The following ERP27 variants were observed in gnomAD, a reference collection of about 807,000 sequenced individuals.
The protein encoded by ERP27 is endoplasmic reticulum resident protein 27.
A neutral mutation model predicts 27.7 loss-of-function variants in ERP27; 23 were observed. The observed-to-expected ratio is 0.83, with a 90% CI of 0.60 to 1.18. The LOEUF is 1.18. ERP27 is among the 50% of genes most tolerant of loss of function. The probability of loss-of-function intolerance (pLI) is 0.00; values close to 1 mark genes in which losing one functional copy is unlikely to be tolerated. For synonymous variants in ERP27, 159 were observed against 118.3 expected, an observed-to-expected ratio of 1.34 and a Z score of -2.23; for missense variants, 363 against 327.9, an observed-to-expected ratio of 1.11 and a Z score of -0.83.
chr12:14,928,944 C>G (rs890794956), intron 3 of ERP27: 2 of 1,535,050 alleles, frequency 1.3e-6, no homozygotes, highest in Non-Finnish European at 1.7e-6. Context: ...CTGCTACCGA[C>G]CTGTATTTCC....
At chr12:14,922,296 TGC>T (rs1280731210) in intron 3 of ERP27, among the ~76,000 whole-genome samples, 5 of 152,132 alleles carry the variant, frequency 3.3e-5, no homozygotes, top group African/African-American at 7.2e-5. Context: ...TGTCAACACT[TGC>T]TATTGTCAGT....
intron 3 of ERP27, chr12:14,928,987 G>A (rs1468293411): frequency 7.8e-6 from 12 of 1,535,244 alleles, no homozygotes; most frequent in Middle Eastern, 3.3e-4. Context: ...TTAAGGCTTT[G>A]CTATTGCAAC....
chr12:14,914,577 T>TGCGC lies in ERP27; in HGVS notation c.*157_*158insGCGC, dbSNP rs148149515. ...GAAGCTCTGTGTGTGTGTGTGTGTG[T>TGCGC]GCGTGTGTGTGTGCACGCGTGCGTG... On this transcript the variant is annotated 3_prime_UTR_variant, in exon 7 of 7. Coordinates refer to ENST00000266397, the MANE Select transcript of ERP27 (RefSeq NM_152321.4). 0.016 allele frequency: 8,670 copies of TGCGC among 542,128 alleles called. 94 individuals are homozygous for TGCGC. The highest frequency in any genetic ancestry group is 0.031 in the African/African-American group (1,539 of 50,332). The allele number at this position is 542,128 out of a possible 1,614,324, so 33.6% of individuals were successfully genotyped here.
intron 2 of ERP27, among the ~76,000 whole-genome samples, chr12:14,936,172 C>T (rs746460439): frequency 5.9e-5 from 9 of 151,698 alleles, no homozygotes; most frequent in Middle Eastern, 6.8e-3. Flanking sequence ...ATGAAATAGA[C>T]GCCATCAAAA....
chr12:14,929,517 A>G (rs535496433), intron 3 of ERP27, among the ~76,000 whole-genome samples: 7 of 152,228 alleles, frequency 4.6e-5, no homozygotes, highest in Non-Finnish European at 1.0e-4. Flanking sequence ...CAAGAGTTGG[A>G]AAAACCTTTT....
chr12:14,929,066 T>C (rs1376580246), intron 3 of ERP27: 5 of 1,530,916 alleles, frequency 3.3e-6, no homozygotes, highest in Admixed American at 2.0e-5. Flanking sequence ...AAATGCTTCC[T>C]GACTATTTTT....
chr12:14,923,625 G>A (rs1243186914), intron 3 of ERP27, among the ~76,000 whole-genome samples: 4 of 151,756 alleles, frequency 2.6e-5, no homozygotes, highest in Non-Finnish European at 4.4e-5. Flanking sequence ...ATACTGCCAT[G>A]CCATTAGTTT....
rs553137599 is a variant in ERP27 at position 14,930,314 on chromosome 12, T to C, written c.333+4542A>G. Among the ~76,000 whole-genome samples, 62 of 152,360 alleles carry C rather than the reference T, an allele frequency of 4.1e-4. No homozygotes were observed. In the South Asian group the frequency reaches 0.013, roughly 31 times the overall value. On this transcript the variant is annotated intron_variant, in intron 3 of 6. Coordinates refer to ENST00000266397, the MANE Select transcript of ERP27 (RefSeq NM_152321.4). ...GTCTGGTGAGGTAAATTTCTTATAA[T>C]AGTTACCCAATAAATAACTGTAAAA...
chr12:14,917,223 C>G lies in ERP27; in HGVS notation c.531G>C (p.Glu177Asp). 1 of 1,614,106 alleles carries G rather than the reference C, an allele frequency of 6.2e-7. No homozygotes were observed. The highest frequency in any genetic ancestry group is 8.5e-7 in the Non-Finnish European group (1 of 1,179,990). Reference protein sequence around the residue: ...IMNKASPEYEENMHRYQKAAK... With the variant: ...IMNKASPEYEDNMHRYQKAAK... ...CTGCCTTCTGGTATCTGTGCATGTT[C>G]TCTTCATACTCTGGGGAGGCCTTGT... The change falls in exon 5 of 7, where the codon GAG becomes GAC. Residue 177 changes from glutamate (E) to aspartate (D), a missense_variant. Coordinates refer to ENST00000266397, the MANE Select transcript of ERP27 (RefSeq NM_152321.4).
intron 2 of ERP27, among the ~76,000 whole-genome samples, chr12:14,936,986 C>G (rs959080571): frequency 6.6e-6 from 1 of 152,128 alleles, no homozygotes; most frequent in African/African-American, 2.4e-5. Context: ...TTAATTGAGG[C>G]CTCCTCTCTT....
At chr12:14,920,193 T>C (rs1254707102) in intron 4 of ERP27, among the ~76,000 whole-genome samples, 1 of 152,162 alleles carries the variant, frequency 6.6e-6, no homozygotes, top group Non-Finnish European at 1.5e-5. Context: ...GTGTTAGAAG[T>C]CCATTTGGTG....
At chr12:14,917,740 T>C (rs1023299381) in intron 4 of ERP27, among the ~76,000 whole-genome samples, 2 of 152,164 alleles carry the variant, frequency 1.3e-5, no homozygotes, top group African/African-American at 4.8e-5. Flanking sequence ...GGGAGCCATC[T>C]TGGAAGCAGA....
In ERP27 at chr12:14,921,065, A is replaced by G. The variant is rs770833246; in HGVS notation, c.334-17T>C. 6.3e-7 allele frequency: 1 copy of G among 1,594,060 alleles called. No homozygotes were observed. The highest frequency in any genetic ancestry group is 8.6e-7 in the Non-Finnish European group (1 of 1,161,842). On this transcript the variant is annotated splice_polypyrimidine_tract_variant and intron_variant, in intron 3 of 6. Coordinates refer to ENST00000266397, the MANE Select transcript of ERP27 (RefSeq NM_152321.4). ...ATTGTCTACCTGGATAACACAAAAAAGAATGAAGTCACTATTCCATCTTTT... is the reference window on the plus strand; with the variant it reads ...ATTGTCTACCTGGATAACACAAAAAGGAATGAAGTCACTATTCCATCTTTT...
At chr12:14,930,473 C>T (rs1863681510) in intron 3 of ERP27, among the ~76,000 whole-genome samples, 1 of 152,246 alleles carries the variant, frequency 6.6e-6, no homozygotes, top group Admixed American at 6.5e-5. Context: ...TTTCAAATTC[C>T]ATTTTAGGAC....
intron 6 of ERP27, 63 bp from the exon 7 acceptor site, chr12:14,914,845 C>T (rs919673236): frequency 2.3e-6 from 3 of 1,287,200 alleles, no homozygotes; most frequent in Non-Finnish European, 3.3e-6. Context: ...CCTGGAAGTC[C>T]TAAATCCTTC....
chr12:14,935,158 C>A, intron 2 of ERP27, 165 bp from the exon 3 acceptor site: 1 of 985,360 alleles, frequency 1.0e-6, no homozygotes, highest in Non-Finnish European at 1.2e-6. Flanking sequence ...CTGGCAGTGA[C>A]ATTCTTGAAT....
At chr12:14,933,402 GAGTAAAATAAGACCTAAA>G (rs1408268801) in intron 3 of ERP27, among the ~76,000 whole-genome samples, 1 of 152,128 alleles carries the variant, frequency 6.6e-6, no homozygotes, top group Admixed American at 6.5e-5. Flanking sequence ...CAGAAATGTT[GAGTAAAATAAGACCTAAA>G]AAGGGTTCAT....
intron 4 of ERP27, among the ~76,000 whole-genome samples, chr12:14,919,154 A>G (rs1863459785): frequency 6.6e-6 from 1 of 152,218 alleles, no homozygotes; most frequent in Non-Finnish European, 1.5e-5. Flanking sequence ...AGCAGATGAG[A>G]AACAGCTATA....
intron 3 of ERP27, among the ~76,000 whole-genome samples, chr12:14,927,287 A>T (rs997490718): frequency 6.6e-6 from 1 of 151,822 alleles, no homozygotes; most frequent in Non-Finnish European, 1.5e-5. Flanking sequence ...ATATTTGCAT[A>T]TGTGTAGGCG....
Sources: allele counts gnomAD v4.1 joint callset (sites outside exome capture counted in the v4.1 genomes callset), GRCh38; gene constraint gnomAD v4.1.1; transcripts MANE v1.5; gene names NCBI Gene and HGNC (gene_info 2026-07-23, HGNC 2026-07-21).